Variants in ARHGAP24 observed in about 807,000 individuals in gnomAD.
ARHGAP24 encodes the protein rho GTPase-activating protein 24.
Under a neutral mutation model 76.4 loss-of-function variants are expected in ARHGAP24, and 50 were observed. That is an observed-to-expected ratio of 0.65 (90% CI 0.52 to 0.83). The LOEUF (loss-of-function observed/expected upper bound fraction) is 0.83, where lower values mean the gene tolerates loss of function less well. Ranked by LOEUF, ARHGAP24 falls within the 40% of genes least tolerant of loss-of-function variation. ARHGAP24 has a pLI of 0.00. For missense variants in ARHGAP24, 930 were observed against 914.2 expected (o/e 1.02, Z -0.22); for synonymous variants, 345 against 323.3 (o/e 1.07, Z -0.72).
intron 3 of ARHGAP24, among the ~76,000 whole-genome samples, chr4:85,899,079 A>G (rs1734352139): frequency 6.6e-6 from 1 of 152,234 alleles, no homozygotes; most frequent in African/African-American, 2.4e-5. Flanking sequence ...AGATATAAGT[A>G]TATCAAGTTT....
intron 3 of ARHGAP24, chr4:85,723,358 C>T (rs528989193): frequency 2.0e-5 from 3 of 152,272 alleles, no homozygotes; most frequent in South Asian, 2.1e-4. Flanking sequence ...GTAATATAGA[C>T]GGATATTTTC....
chr4:85,575,095 A>G (rs1727317848), intron 2 of ARHGAP24, among the ~76,000 whole-genome samples: 1 of 152,172 alleles, frequency 6.6e-6, no homozygotes, highest in African/African-American at 2.4e-5. Flanking sequence ...AATATTTAAT[A>G]TCAATCAAAC....
chr4:85,529,192 C>T lies in ARHGAP24; in HGVS notation c.-20-41330C>T, dbSNP rs138501376. Among the ~76,000 whole-genome samples, 285 of 152,032 alleles carry T rather than the reference C, an allele frequency of 1.9e-3. 1 individual carries two copies. Among genetic ancestry groups the T allele is most frequent in the Non-Finnish European group, 3.2e-3 (220 of 67,888 alleles). ...GGATTCTATTGAACTTGAATTTCTT[C>T]CCAGAAAGAGTCTATGACTATTCTA... On this transcript the variant is annotated intron_variant, in intron 1 of 9. Transcript: ENST00000395184.
chr4:85,678,961 A>C (rs1723099047), intron 2 of ARHGAP24, among the ~76,000 whole-genome samples: 1 of 152,228 alleles, frequency 6.6e-6, no homozygotes, highest in Non-Finnish European at 1.5e-5. Context: ...ATCCATTGCA[A>C]AAAGCAGATT....
intron 1 of ARHGAP24, among the ~76,000 whole-genome samples, chr4:85,512,996 G>T (rs1201618647): frequency 6.6e-6 from 1 of 152,202 alleles, no homozygotes; most frequent in East Asian, 1.9e-4. Flanking sequence ...GCTTGGCCAT[G>T]GGAGTTATGT....
At chr4:85,905,102 A>G (rs541044401) in intron 3 of ARHGAP24, among the ~76,000 whole-genome samples, 8 of 152,044 alleles carry the variant, frequency 5.3e-5, no homozygotes, top group Non-Finnish European at 1.2e-4. Flanking sequence ...TTTTTCTTCC[A>G]TTACAAAAAA....
intron 3 of ARHGAP24, among the ~76,000 whole-genome samples, chr4:85,839,278 C>G (rs1730457180): frequency 6.6e-6 from 1 of 152,164 alleles, no homozygotes; most frequent in African/African-American, 2.4e-5. Context: ...AGTGTATATG[C>G]TGATTTAAAT....
At chr4:85,571,593 C>A (rs1727142371) in intron 2 of ARHGAP24, among the ~76,000 whole-genome samples, 1 of 152,154 alleles carries the variant, frequency 6.6e-6, no homozygotes, top group South Asian at 2.1e-4. Context: ...GACCAGGTCT[C>A]TGCTTTAGTA....
intron 2 of ARHGAP24, among the ~76,000 whole-genome samples, chr4:85,579,674 C>G (rs946527962): frequency 6.6e-6 from 1 of 151,956 alleles, no homozygotes; most frequent in Admixed American, 6.6e-5. Context: ...TTTTTATGTA[C>G]AAGGAAGCAA....
intron 3 of ARHGAP24, among the ~76,000 whole-genome samples, chr4:85,734,625 T>C (rs1725535600): frequency 7.1e-6 from 1 of 141,810 alleles, no homozygotes; most frequent in African/African-American, 2.6e-5. Flanking sequence ...GGGCATGACA[T>C]AATTCAGGGA....
chr4:85,993,787 A>C (rs1740482264), intron 8 of ARHGAP24, among the ~76,000 whole-genome samples: 1 of 152,150 alleles, frequency 6.6e-6, no homozygotes, highest in Non-Finnish European at 1.5e-5. Context: ...GAGGAGGAGA[A>C]GATTAGAGCA....
chr4:85,814,842 T>G (rs1217730675), intron 3 of ARHGAP24, among the ~76,000 whole-genome samples: 1 of 152,126 alleles, frequency 6.6e-6, no homozygotes, highest in Non-Finnish European at 1.5e-5. Context: ...ACATTTCCCT[T>G]CCACATTGCC....
At chr4:85,763,062 C>G (rs892179283) in intron 3 of ARHGAP24, among the ~76,000 whole-genome samples, 5 of 152,018 alleles carry the variant, frequency 3.3e-5, no homozygotes, top group African/African-American at 1.2e-4. Context: ...TTTGCATCTT[C>G]AATACATTGT....
intron 3 of ARHGAP24, among the ~76,000 whole-genome samples, chr4:85,877,279 T>C (rs1370956349): frequency 6.6e-6 from 1 of 152,124 alleles, no homozygotes; most frequent in Non-Finnish European, 1.5e-5. Context: ...AAATGAATAA[T>C]GGGTAGAGTT....
chr4:85,690,758 GTTTTTT>G (rs57175662), intron 2 of ARHGAP24, among the ~76,000 whole-genome samples: 1 of 130,758 alleles, frequency 7.6e-6, no homozygotes, highest in African/African-American at 2.8e-5. Flanking sequence ...TGTCAATCTT[GTTTTTT>G]TTTTTTTTAT....
chr4:85,994,694 A>G lies in ARHGAP24; in HGVS notation c.1040A>G (p.Asn347Ser), dbSNP rs1193519581. Reference protein sequence around the residue: ...SKPQDGVSNNNEIQKKATMGQ... With the variant: ...SKPQDGVSNNSEIQKKATMGQ... Reference sequence around the variant, plus strand: ...CCCCAAGATGGAGTGAGCAACAACAATGAAATTCAGAAGAAAGCCACCATG... The same window carrying G: ...CCCCAAGATGGAGTGAGCAACAACAGTGAAATTCAGAAGAAAGCCACCATG... Residue 347 changes from asparagine to serine, a missense_variant, in exon 9 of 10, where the codon AAT becomes AGT. Asn to Ser is a conservative substitution (Grantham distance 46). Coordinates refer to ENST00000395184, the MANE Select transcript of ARHGAP24 (RefSeq NM_001025616.3). 2 of 1,614,190 alleles carry G rather than the reference A, an allele frequency of 1.2e-6. No homozygotes were observed. The highest frequency in any genetic ancestry group is 1.7e-6 in the Non-Finnish European group (2 of 1,180,020).
At chr4:85,986,966 C>T (rs1740042775) in intron 8 of ARHGAP24, among the ~76,000 whole-genome samples, 1 of 151,880 alleles carries the variant, frequency 6.6e-6, no homozygotes, top group Non-Finnish European at 1.5e-5. Flanking sequence ...AGGATGAATA[C>T]CAGGAGCATA....
intron 3 of ARHGAP24, among the ~76,000 whole-genome samples, chr4:85,905,558 T>C (rs1734729570): frequency 6.6e-6 from 1 of 152,220 alleles, no homozygotes. Flanking sequence ...GTAAGTTTCC[T>C]TGAAAATGTC....
chr4:85,840,069 G>T (rs996652780), intron 3 of ARHGAP24, among the ~76,000 whole-genome samples: 4 of 133,646 alleles, frequency 3.0e-5, no homozygotes. Context: ...GTTTCACCCT[G>T]TTGGTCAGGC....
Sources: allele counts gnomAD v4.1 joint callset (sites outside exome capture counted in the v4.1 genomes callset), GRCh38; gene constraint gnomAD v4.1.1; transcripts MANE v1.5; gene names NCBI Gene and HGNC (gene_info 2026-07-23, HGNC 2026-07-21).